Variants in AFF3 observed in about 807,000 individuals in gnomAD.
The protein encoded by AFF3 is AF4/FMR2 family member 3.
Under a neutral mutation model 129.7 loss-of-function variants are expected in AFF3, and 32 were observed. The observed-to-expected ratio is 0.25, with a 90% CI of 0.19 to 0.33. The LOEUF is 0.33. Ranked by LOEUF, AFF3 falls within the 10% of genes least tolerant of loss-of-function variation. AFF3 has a pLI of 1.00. For missense variants in AFF3, 1,373 were observed against 1,592.0 expected, an observed-to-expected ratio of 0.86 and a Z score of 2.34; for synonymous variants, 644 against 635.4, an observed-to-expected ratio of 1.01 and a Z score of -0.20.
chr2:99,712,405 C>T (rs1156823322), intron 11 of AFF3, among the ~76,000 whole-genome samples: 4 of 152,194 alleles, frequency 2.6e-5, no homozygotes, highest in African/African-American at 9.7e-5. Context: ...ACTGGGAAGA[C>T]TGAAGAGATC....
chr2:99,721,043 C>T (rs2177540), intron 11 of AFF3, among the ~76,000 whole-genome samples: 81,311 of 151,916 alleles, frequency 0.54, 21,960 homozygotes, highest in East Asian at 0.67. Flanking sequence ...GATTTACCCA[C>T]ATATTTATTA....
intron 17 of AFF3, among the ~76,000 whole-genome samples, chr2:99,581,853 G>GA (rs1677587702): frequency 1.6e-5 from 2 of 121,580 alleles, no homozygotes; most frequent in African/African-American, 6.6e-5. Context: ...AGGTGTTGGA[G>GA]TTTTTTTTTT....
chr2:99,998,608 C>T (rs1480856373), intron 7 of AFF3, among the ~76,000 whole-genome samples: 1 of 152,244 alleles, frequency 6.6e-6, no homozygotes, highest in African/African-American at 2.4e-5. Flanking sequence ...AAGGGGTCAA[C>T]CGTTTAGTGT....
intron 19 of AFF3, 109 bp downstream of exon 19, chr2:99,568,743 G>T: frequency 1.8e-6 from 2 of 1,093,548 alleles, no homozygotes; most frequent in Non-Finnish European, 2.8e-6. Flanking sequence ...AACAGACCCG[G>T]CCATCCTTGT....
chr2:99,647,042 A>G (rs1275653057), intron 13 of AFF3, among the ~76,000 whole-genome samples: 2 of 152,222 alleles, frequency 1.3e-5, no homozygotes, highest in Non-Finnish European at 2.9e-5. Context: ...ATGCTTGTAC[A>G]CTGTTGGTGG....
chr2:99,586,851 T>C (rs955231144), intron 16 of AFF3, among the ~76,000 whole-genome samples: 1 of 152,226 alleles, frequency 6.6e-6, no homozygotes, highest in Non-Finnish European at 1.5e-5. Flanking sequence ...CATTAAAATA[T>C]TGATTAGAAA....
rs1010342453 is a variant in AFF3 at position 100,009,645 on chromosome 2, A to G, written c.54-713T>C. 3.3e-5 allele frequency among the ~76,000 whole-genome samples: 5 copies of G among 152,304 alleles called. No individual in the cohort carries two copies. The East Asian group carries it at 5.8e-4, about 18-fold the overall frequency. On this transcript the variant is annotated intron_variant, in intron 4 of 24. Coordinates refer to ENST00000672756, the MANE Select transcript of AFF3 (RefSeq NM_001386135.1). ...CTTTTGTTGAAGAAAATTAATATCT[A>G]TTCTCTCAAAATACAATTATGAAGT...
At chr2:100,004,296 G>GT (rs1182157249) in intron 7 of AFF3, among the ~76,000 whole-genome samples, 2 of 152,032 alleles carry the variant, frequency 1.3e-5, no homozygotes, top group African/African-American at 4.8e-5. Flanking sequence ...CATACCAGCA[G>GT]TATCTTTATT....
chr2:100,036,620 T>C (rs993033727), intron 4 of AFF3, among the ~76,000 whole-genome samples: 10 of 151,890 alleles, frequency 6.6e-5, no homozygotes, highest in African/African-American at 1.5e-4. Context: ...TGCAATCATA[T>C]ACACATAACC....
At chr2:99,977,060 G>A (rs555855665) in intron 7 of AFF3, among the ~76,000 whole-genome samples, 11 of 152,276 alleles carry the variant, frequency 7.2e-5, no homozygotes, top group South Asian at 4.1e-4. Context: ...CAGAGTTTAT[G>A]ACATTAAACT....
At chr2:100,032,364 G>A (rs1684567170) in intron 4 of AFF3, among the ~76,000 whole-genome samples, 1 of 152,034 alleles carries the variant, frequency 6.6e-6, no homozygotes, top group African/African-American at 2.4e-5. Flanking sequence ...AGGAGGCGGA[G>A]GCTGCAGTGA....
intron 7 of AFF3, among the ~76,000 whole-genome samples, chr2:99,937,960 A>AC (rs1422885424): frequency 6.6e-6 from 1 of 152,130 alleles, no homozygotes; most frequent in Non-Finnish European, 1.5e-5. Flanking sequence ...AATACTGGTA[A>AC]ATTTTCATAG....
At position 100,131,992 on chromosome 2, in the gene AFF3, C is replaced by A. The variant is rs552126520; in HGVS notation, c.-227-2686G>T. On this transcript the variant is annotated intron_variant, in intron 1 of 24. Coordinates refer to ENST00000672756, the MANE Select transcript of AFF3 (RefSeq NM_001386135.1). Reference sequence around the variant, plus strand: ...GCCTTGAGGGGTACATTGCTCCCAGCTCCGAGGGAGGACCGGCCCGCCACA... The same window carrying A: ...GCCTTGAGGGGTACATTGCTCCCAGATCCGAGGGAGGACCGGCCCGCCACA... Among the ~76,000 whole-genome samples the A allele has an allele frequency of 3.9e-5, 6 of 152,218 alleles. No individual in the cohort carries two copies. The East Asian group carries it at 1.2e-3, about 29-fold the overall frequency.
intron 4 of AFF3, among the ~76,000 whole-genome samples, chr2:100,045,714 A>G (rs1685779340): frequency 6.6e-6 from 1 of 152,172 alleles, no homozygotes; most frequent in Non-Finnish European, 1.5e-5. Flanking sequence ...CTCCACAGGA[A>G]GATGGAAAGA....
At chr2:99,646,784 G>A (rs1684733382) in intron 13 of AFF3, among the ~76,000 whole-genome samples, 1 of 152,328 alleles carries the variant, frequency 6.6e-6, no homozygotes, top group East Asian at 1.9e-4. Flanking sequence ...AATGACATCT[G>A]TCACTTGATA....
intron 13 of AFF3, among the ~76,000 whole-genome samples, chr2:99,608,192 C>G (rs186549110): frequency 5.8e-4 from 88 of 152,282 alleles, no homozygotes; most frequent in Non-Finnish European, 8.2e-4. Context: ...AGCAGGGTGC[C>G]CTTGCATATG....
chr2:99,984,047 C>T (rs979607056), intron 7 of AFF3, among the ~76,000 whole-genome samples: 4 of 151,844 alleles, frequency 2.6e-5, no homozygotes, highest in Non-Finnish European at 5.9e-5. Flanking sequence ...TAAAATGAAA[C>T]AAAATATAGA....
At chr2:99,563,810 C>CAAAAAAAAAAAAAAA (rs34843347) in intron 20 of AFF3, among the ~76,000 whole-genome samples, 11 of 75,892 alleles carry the variant, frequency 1.4e-4, no homozygotes, top group South Asian at 6.5e-4. Context: ...AATTTAGTCT[C>CAAAAAAAAAAAAAAA]AAAAAAAAAA....
At chr2:99,689,082 C>G (rs1314016597) in intron 11 of AFF3, among the ~76,000 whole-genome samples, 1 of 152,132 alleles carries the variant, frequency 6.6e-6, no homozygotes, top group Admixed American at 6.5e-5. Flanking sequence ...ATTTCTCAAG[C>G]TTTTCTTGGA....
Sources: gnomAD v4.1 joint callset for allele counts (sites outside exome capture counted in the v4.1 genomes callset) on GRCh38, gnomAD v4.1.1 for gene constraint, MANE v1.5 for transcripts, NCBI Gene and HGNC (gene_info 2026-07-23, HGNC 2026-07-21) for gene names.